TGFBR1: variants seen among roughly 807,000 people sequenced by gnomAD.
The protein encoded by TGFBR1 is transforming growth factor beta receptor 1, also known as TGF-beta receptor type-1.
Under a neutral mutation model 55.1 loss-of-function variants are expected in TGFBR1, and 20 were observed. The observed-to-expected ratio is 0.36, with a 90% CI of 0.26 to 0.53. The LOEUF (loss-of-function observed/expected upper bound fraction) is 0.53, where lower values mean the gene tolerates loss of function less well. Ranked by LOEUF, TGFBR1 falls within the 20% of genes least tolerant of loss-of-function variation. The pLI, the probability that TGFBR1 is intolerant of heterozygous loss-of-function variation, is 0.91. For missense variants in TGFBR1, 385 were observed against 617.6 expected, an observed-to-expected ratio of 0.62 and a Z score of 3.99; for synonymous variants, 220 against 214.8, an observed-to-expected ratio of 1.02 and a Z score of -0.21.
At chr9:99,144,584 G>C (rs1460936155) in intron 5 of TGFBR1, 148 bp from the exon 6 acceptor site, 9 of 795,832 alleles carry the variant, frequency 1.1e-5, no homozygotes, top group Non-Finnish European at 1.9e-5. Flanking sequence ...TGATTCACTT[G>C]AGTTTAATAA....
chr9:99,112,325 A>G (rs988008572), intron 1 of TGFBR1, among the ~76,000 whole-genome samples: 2 of 151,616 alleles, frequency 1.3e-5, no homozygotes, highest in South Asian at 4.2e-4. Flanking sequence ...ACATACCTGC[A>G]TGGCTTCCTC....
chr9:99,120,584 A>T lies in TGFBR1; in HGVS notation c.98-8271A>T, dbSNP rs11568750. On this transcript the variant is annotated intron_variant, in intron 1 of 8. Coordinates refer to ENST00000374994, the MANE Select transcript of TGFBR1 (RefSeq NM_004612.4). Reference sequence around the variant, plus strand: ...CCTTGTCCTTAAACATGCTTCTAAAATACCAGTTTTAATGGCTATATAGTC... The same window carrying T: ...CCTTGTCCTTAAACATGCTTCTAAATTACCAGTTTTAATGGCTATATAGTC... 8.7e-3 allele frequency among the ~76,000 whole-genome samples: 1,326 copies of T among 152,320 alleles called. 7 individuals are homozygous for T. Among genetic ancestry groups the T allele is most frequent in the East Asian group, 0.035 (184 of 5,190 alleles).
At chr9:99,107,005 T>C (rs1826433513) in intron 1 of TGFBR1, among the ~76,000 whole-genome samples, 1 of 152,224 alleles carries the variant, frequency 6.6e-6, no homozygotes, top group African/African-American at 2.4e-5. Flanking sequence ...CGCTATTAAC[T>C]TGAATAACAC....
At chr9:99,138,378 T>C (rs1449005173) in intron 4 of TGFBR1, among the ~76,000 whole-genome samples, 1 of 152,270 alleles carries the variant, frequency 6.6e-6, no homozygotes, top group Non-Finnish European at 1.5e-5. Flanking sequence ...CAGTTAGTTA[T>C]TGAGAGTACT....
Position 99,150,073 on chromosome 9 carries a change from T to G in TGFBR1, c.*768T>G, listed in dbSNP as rs1327216720. 5.3e-6 allele frequency: 1 copy of G among 188,032 alleles called. No individual in the cohort carries two copies. Among genetic ancestry groups the G allele is most frequent in the Non-Finnish European group, 1.1e-5 (1 of 89,258 alleles). The allele number at this position is 188,032 out of a possible 1,614,324, so 11.6% of individuals were successfully genotyped here. A position where few individuals can be genotyped will look rare whatever the true frequency, so the allele number is the denominator to read the frequency against. ...TGGGTAACCCAAACTTTTTCTGTTT[T>G]GTTTTTGGAAGGGTTTTTGTGGTAT... On this transcript the variant is annotated 3_prime_UTR_variant, in exon 9 of 9. Transcript: ENST00000374994.
At chr9:99,125,539 C>T (rs1827015535) in intron 1 of TGFBR1, among the ~76,000 whole-genome samples, 1 of 152,154 alleles carries the variant, frequency 6.6e-6, no homozygotes, top group African/African-American at 2.4e-5. Context: ...AGGCTATTGG[C>T]TTTTGAATAT....
intron 6 of TGFBR1, 96 bp from the exon 7 acceptor site, chr9:99,146,389 A>G: frequency 1.5e-6 from 2 of 1,366,944 alleles, no homozygotes; most frequent in Non-Finnish European, 1.0e-6. Context: ...TATTGTGTAC[A>G]TATGTCTATG....
chr9:99,115,835 TAAAC>T (rs1826718767), intron 1 of TGFBR1, among the ~76,000 whole-genome samples: 1 of 152,132 alleles, frequency 6.6e-6, no homozygotes, highest in Non-Finnish European at 1.5e-5. Flanking sequence ...TTTATCAAAA[TAAAC>T]AAGTTAAAGT....
chr9:99,142,481 C>T, intron 4 of TGFBR1, 55 bp from the exon 5 acceptor site: 2 of 1,599,222 alleles, frequency 1.3e-6, no homozygotes, highest in Non-Finnish European at 1.7e-6. Flanking sequence ...AACCATTGAA[C>T]AAATAAATCA....
At chr9:99,118,643 CTTTTTT>C in intron 1 of TGFBR1, among the ~76,000 whole-genome samples, 1 of 129,746 alleles carries the variant, frequency 7.7e-6, no homozygotes, top group Non-Finnish European at 1.7e-5. Context: ...TGTTTTCTTT[CTTTTTT>C]TTTTTTTTTT....
chr9:99,124,265 T>C (rs961162303), intron 1 of TGFBR1, among the ~76,000 whole-genome samples: 1 of 152,104 alleles, frequency 6.6e-6, no homozygotes, highest in African/African-American at 2.4e-5. Flanking sequence ...GCCTTTCCCT[T>C]CCACCCTAGT....
At chr9:99,135,776 G>A (rs1827418947) in intron 3 of TGFBR1, among the ~76,000 whole-genome samples, 1 of 151,912 alleles carries the variant, frequency 6.6e-6, no homozygotes, top group Admixed American at 6.6e-5. Flanking sequence ...AGTTCTAAAG[G>A]TACAGAAGAG....
At position 99,148,844 on chromosome 9, in the gene TGFBR1, AAG is replaced by A. The variant is rs1321357101; in HGVS notation, c.1387-334_1387-333del. On this transcript the variant is annotated intron_variant, in intron 8 of 8. Coordinates refer to ENST00000374994, the MANE Select transcript of TGFBR1 (RefSeq NM_004612.4). ...GAGACCCTGTCTCAAAAAAAAAAAA[AAG>A]AAAGAAAAATTTGATGTGAATACTT... 2.3e-3 allele frequency among the ~76,000 whole-genome samples: 246 copies of A among 106,072 alleles called. 1 individual carries two copies. Among genetic ancestry groups the A allele is most frequent in the African/African-American group, 5.1e-3 (150 of 29,318 alleles). 69.6% of individuals were successfully genotyped at this position (106,072 alleles called of 152,430 possible).
chr9:99,128,928 T>C lies in TGFBR1; in HGVS notation c.171T>C (p.Ser57=). 1 of 1,614,050 alleles carries C rather than the reference T, an allele frequency of 6.2e-7. No homozygotes were observed. Among genetic ancestry groups the C allele is most frequent in the East Asian group, 2.2e-5 (1 of 44,874 alleles). Residue 57 remains serine, a synonymous_variant, in exon 2 of 9, where the codon TCT becomes TCC. Coordinates refer to ENST00000374994, the MANE Select transcript of TGFBR1 (RefSeq NM_004612.4). ...TGACAGATGGGCTCTGCTTTGTCTC[T>C]GTCACAGAGACCACAGACAAAGTTA... ...TCVTDGLCFV[S]VTETTDKVIH...
At chr9:99,116,612 A>G (rs1340278521) in intron 1 of TGFBR1, among the ~76,000 whole-genome samples, 1 of 152,232 alleles carries the variant, frequency 6.6e-6, no homozygotes, top group Non-Finnish European at 1.5e-5. Flanking sequence ...TATCCAAGGT[A>G]TAAATAACAT....
At chr9:99,115,724 C>G (rs748163164) in intron 1 of TGFBR1, among the ~76,000 whole-genome samples, 3 of 152,118 alleles carry the variant, frequency 2.0e-5, no homozygotes, top group Non-Finnish European at 4.4e-5. Context: ...AGTTGAAAAA[C>G]TGACATTTTA....
At chr9:99,132,826 G>C in intron 3 of TGFBR1, 87 bp downstream of exon 3, 1 of 1,524,312 alleles carries the variant, frequency 6.6e-7, no homozygotes, top group Non-Finnish European at 8.9e-7. Flanking sequence ...AAGCCAACTT[G>C]CTAGAATGTG....
intron 1 of TGFBR1, 83 bp downstream of exon 1, chr9:99,105,385 C>T: frequency 1.0e-6 from 1 of 966,044 alleles, no homozygotes; most frequent in Non-Finnish European, 1.2e-6. Context: ...CTTTCTCAAA[C>T]ATGGCGCGGG....
At chr9:99,115,596 G>A (rs900753862) in intron 1 of TGFBR1, among the ~76,000 whole-genome samples, 4 of 152,096 alleles carry the variant, frequency 2.6e-5, no homozygotes, top group African/African-American at 9.7e-5. Context: ...GCAAGCACAC[G>A]ATATATGTAT....
Sources: allele counts gnomAD v4.1 joint callset (sites outside exome capture counted in the v4.1 genomes callset), GRCh38; gene constraint gnomAD v4.1.1; transcripts MANE v1.5; gene names NCBI Gene and HGNC (gene_info 2026-07-23, HGNC 2026-07-21).